The following AMN1 variants were observed in gnomAD, a reference collection of about 807,000 sequenced individuals.
AMN1 encodes antagonist of mitotic exit network 1 homolog.
AMN1 carries 20 observed loss-of-function variants against 33.0 expected under a neutral mutation model. The ratio of observed to expected loss-of-function variants is 0.61; its 90% CI spans 0.43 to 0.88. The LOEUF is 0.88. AMN1 is among the 40% of genes least tolerant of loss of function. The pLI, the probability that AMN1 is intolerant of heterozygous loss-of-function variation, is 0.00. For missense variants in AMN1, 246 were observed against 307.4 expected, an observed-to-expected ratio of 0.80 and a Z score of 1.49; for synonymous variants, 114 against 111.9, an observed-to-expected ratio of 1.02 and a Z score of -0.12.
intron 6 of AMN1, among the ~76,000 whole-genome samples, chr12:31,688,080 G>C (rs1475573722): frequency 1.3e-5 from 2 of 152,064 alleles, no homozygotes; most frequent in Non-Finnish European, 2.9e-5. Flanking sequence ...TCAATCTCCC[G>C]AGTAGCTGGG....
intron 5 of AMN1, among the ~76,000 whole-genome samples, chr12:31,691,497 A>G (rs547383661): frequency 6.6e-6 from 1 of 152,294 alleles, no homozygotes; most frequent in Non-Finnish European, 1.5e-5. Context: ...ATATGGCTGT[A>G]TAACAATTAC....
intron 3 of AMN1, among the ~76,000 whole-genome samples, chr12:31,698,864 T>C (rs1326022811): frequency 6.6e-6 from 1 of 152,154 alleles, no homozygotes; most frequent in Admixed American, 6.5e-5. Context: ...AAAAGCCTTA[T>C]AATTTCCTGA....
At chr12:31,672,817 G>A (rs568260117) in intron 6 of AMN1, 9 of 150,706 alleles carry the variant, frequency 6.0e-5, no homozygotes, top group Admixed American at 1.5e-4. Context: ...CAATAGGTAC[G>A]GTAAACCACC....
Position 31,671,849 on chromosome 12 carries a change from T to C in AMN1, c.*455A>G, listed in dbSNP as rs1383403946. The C allele has an allele frequency of 6.5e-6, 1 of 153,882 alleles. No individual in the cohort carries two copies. Among genetic ancestry groups the C allele is most frequent in the Non-Finnish European group, 1.4e-5 (1 of 69,146 alleles). The allele number at this position is 153,882 out of a possible 1,614,324, so 9.5% of individuals were successfully genotyped here. ...TTTTGGCAAATGGGCATTTAAATACTCCAAGAAGGTAAGAGCCAGAAAATA... is the reference window on the plus strand; with the variant it reads ...TTTTGGCAAATGGGCATTTAAATACCCCAAGAAGGTAAGAGCCAGAAAATA... On this transcript the variant is annotated 3_prime_UTR_variant, in exon 7 of 7. Transcript: ENST00000281471.
intron 1 of AMN1, among the ~76,000 whole-genome samples, chr12:31,726,107 ATAG>A (rs887707951): frequency 1.3e-5 from 2 of 151,944 alleles, no homozygotes; most frequent in African/African-American, 4.8e-5. Flanking sequence ...TTCCTCCATA[ATAG>A]TCTAATCACC....
intron 1 of AMN1, among the ~76,000 whole-genome samples, chr12:31,710,551 T>TATACAC (rs372626541): frequency 6.8e-6 from 1 of 147,426 alleles, no homozygotes; most frequent in Non-Finnish European, 1.5e-5. Context: ...TCTGTTCTTG[T>TATACAC]ACACACACAC....
At chr12:31,679,913 T>C (rs1937919068) in intron 6 of AMN1, among the ~76,000 whole-genome samples, 1 of 151,846 alleles carries the variant, frequency 6.6e-6, no homozygotes, top group Non-Finnish European at 1.5e-5. Context: ...TCACCTGAGG[T>C]CAGGAGTTCG....
rs550043444 is a variant in AMN1 at position 31,676,488 on chromosome 12, A to AT, written c.704-4112dup. Among the ~76,000 whole-genome samples, 1,431 of 150,508 alleles carry AT rather than the reference A, an allele frequency of 9.5e-3. 50 individuals carry two copies. The highest frequency in any genetic ancestry group is 0.034 in the African/African-American group (1,370 of 40,778). ...AGCCAGAATTTGGCCCCCCCAGCTA[A>AT]TTTTTTTGTATTTTTAGTAGAGATG... is the stretch of plus-strand genomic sequence containing the variant. On this transcript the variant is annotated intron_variant, in intron 6 of 6. Coordinates refer to ENST00000281471, the MANE Select transcript of AMN1 (RefSeq NM_001113402.2).
At chr12:31,729,075 C>T (rs1940202628), upstream of AMN1, 22 of 1,439,510 alleles carry the variant, frequency 1.5e-5, no homozygotes, top group Non-Finnish European at 1.9e-5. Flanking sequence ...GACCGTCCGC[C>T]AACTCCCGCC....
intron 1 of AMN1, among the ~76,000 whole-genome samples, chr12:31,725,796 A>G (rs1940039316): frequency 6.6e-6 from 1 of 152,196 alleles, no homozygotes; most frequent in South Asian, 2.1e-4. Context: ...CCTGGGTTCA[A>G]GCAATTCTCC....
At chr12:31,713,719 T>C (rs1197422438) in intron 1 of AMN1, among the ~76,000 whole-genome samples, 1 of 152,164 alleles carries the variant, frequency 6.6e-6, no homozygotes, top group Non-Finnish European at 1.5e-5. Context: ...CATTCACTTG[T>C]AGTCCCAGCT....
intron 1 of AMN1, among the ~76,000 whole-genome samples, chr12:31,720,399 G>A (rs1263177216): frequency 6.6e-6 from 1 of 152,184 alleles, no homozygotes; most frequent in Non-Finnish European, 1.5e-5. Flanking sequence ...AATTAGCCGG[G>A]TGTGGTGGCA....
At chr12:31,676,665 T>C (rs1303060635) in intron 6 of AMN1, among the ~76,000 whole-genome samples, 1 of 151,546 alleles carries the variant, frequency 6.6e-6, no homozygotes, top group South Asian at 2.1e-4. Context: ...TACAATCATT[T>C]TGGCATTTTT....
intron 6 of AMN1, among the ~76,000 whole-genome samples, chr12:31,679,106 C>G (rs1015895113): frequency 6.6e-6 from 1 of 151,856 alleles, no homozygotes; most frequent in Non-Finnish European, 1.5e-5. Flanking sequence ...CCCAAGAGTT[C>G]GAGACAGTCT....
chr12:31,674,040 G>A (rs975903831), intron 6 of AMN1, among the ~76,000 whole-genome samples: 1 of 151,920 alleles, frequency 6.6e-6, no homozygotes, highest in African/African-American at 2.4e-5. Context: ...GGCTCTACAG[G>A]GGAATCTACT....
rs922996349 is a variant in AMN1 at position 31,671,633 on chromosome 12, G to A, written c.*671C>T. 2.6e-5 allele frequency: 4 copies of A among 152,108 alleles called. No homozygotes were observed. The highest frequency in any genetic ancestry group is 5.9e-5 in the Non-Finnish European group (4 of 68,014). The allele number at this position is 152,108 out of a possible 1,614,324, so 9.4% of individuals were successfully genotyped here. A position where few individuals can be genotyped will look rare whatever the true frequency, so the allele number is the denominator to read the frequency against. On this transcript the variant is annotated 3_prime_UTR_variant, in exon 7 of 7. Coordinates refer to ENST00000281471, the MANE Select transcript of AMN1 (RefSeq NM_001113402.2). The stretch of plus-strand genomic sequence containing the variant: ...TTTACACATTTTTGAATGCAATTTT[G>A]CTAAGGAAGGAAAGCTTACAGATGC...
chr12:31,728,851 C>T lies in AMN1; in HGVS notation c.38+120G>A, dbSNP rs980618768. On this transcript the variant is annotated intron_variant, in intron 1 of 6. Coordinates refer to ENST00000281471, the MANE Select transcript of AMN1 (RefSeq NM_001113402.2). ...CCCAGGGACAGAAACACACGCGGGG[C>T]CTCTTCAGAGGTCGGCGGGGGGGGT... 14 of 1,154,010 alleles carry T rather than the reference C, an allele frequency of 1.2e-5. No homozygotes were observed. In the African/African-American group the frequency reaches 1.6e-4, roughly 13 times the overall value. The allele number at this position is 1,154,010 out of a possible 1,614,324, so 71.5% of individuals were successfully genotyped here.
At chr12:31,705,931 A>C (rs537835650) in intron 2 of AMN1, among the ~76,000 whole-genome samples, 1 of 152,256 alleles carries the variant, frequency 6.6e-6, no homozygotes, top group South Asian at 2.1e-4. Context: ...AATCCCCAGC[A>C]AGCCTTTGTC....
chr12:31,728,911 C>T (rs1940193069), intron 1 of AMN1, 60 bp downstream of exon 1: 26 of 1,522,582 alleles, frequency 1.7e-5, no homozygotes, highest in Non-Finnish European at 2.0e-5. Flanking sequence ...AGCGCAGGGC[C>T]TGGCCGTTTG....
Sources: gnomAD v4.1 joint callset for allele counts (sites outside exome capture counted in the v4.1 genomes callset) on GRCh38, gnomAD v4.1.1 for gene constraint, MANE v1.5 for transcripts, NCBI Gene and HGNC (gene_info 2026-07-23, HGNC 2026-07-21) for gene names.